SORL1: variants seen among roughly 807,000 people sequenced by gnomAD.
SORL1 encodes the protein sortilin related receptor 1.
SORL1 carries 127 observed loss-of-function variants against 273.7 expected under a neutral mutation model. The ratio of observed to expected loss-of-function variants is 0.46; its 90% CI spans 0.40 to 0.54. SORL1 has a LOEUF of 0.54. SORL1 is among the 20% of genes least tolerant of loss of function. The pLI, the probability that SORL1 is intolerant of heterozygous loss-of-function variation, is 0.00. For missense variants in SORL1, 2,494 were observed against 2,846.1 expected, an observed-to-expected ratio of 0.88 and a Z score of 2.81; for synonymous variants, 1,031 against 1,067.4, an observed-to-expected ratio of 0.97 and a Z score of 0.66.
At chr11:121,486,192 G>C (rs1315407466) in intron 3 of SORL1, among the ~76,000 whole-genome samples, 2 of 152,178 alleles carry the variant, frequency 1.3e-5, no homozygotes, top group Non-Finnish European at 2.9e-5. Context: ...GTAGAACTAG[G>C]TCCCTGTTGC....
chr11:121,630,474 T>G lies in SORL1; in HGVS notation c.*911T>G, dbSNP rs1863859576. 2.0e-5 allele frequency: 3 copies of G among 152,214 alleles called. No homozygotes were observed. Among genetic ancestry groups the G allele is most frequent in the Admixed American group, 1.3e-4 (2 of 15,292 alleles). The allele number at this position is 152,214 out of a possible 1,614,324, so 9.4% of individuals were successfully genotyped here. A position where few individuals can be genotyped will look rare whatever the true frequency, so the allele number is the denominator to read the frequency against. On this transcript the variant is annotated 3_prime_UTR_variant, in exon 48 of 48. Transcript: ENST00000260197. Reference sequence around the variant, plus strand: ...ATGATCCATACACTGGCTAATAGAGTACATAATTTTTCCATTTTCCATTTT... The same window carrying G: ...ATGATCCATACACTGGCTAATAGAGGACATAATTTTTCCATTTTCCATTTT...
intron 1 of SORL1, among the ~76,000 whole-genome samples, chr11:121,463,055 C>A (rs1192912853): frequency 6.6e-6 from 1 of 152,120 alleles, no homozygotes; most frequent in Admixed American, 6.5e-5. Context: ...TCACGTAGGG[C>A]AAGTCCTGGC....
chr11:121,463,196 T>C (rs2134771905), intron 1 of SORL1, among the ~76,000 whole-genome samples: 1 of 152,356 alleles, frequency 6.6e-6, no homozygotes, highest in Admixed American at 6.5e-5. Flanking sequence ...TTAATCTCAT[T>C]TGCAAAAGGT....
At chr11:121,616,260 C>T (rs1046229368) in intron 41 of SORL1, among the ~76,000 whole-genome samples, 2 of 152,208 alleles carry the variant, frequency 1.3e-5, no homozygotes, top group Admixed American at 6.5e-5. Flanking sequence ...AGGCTTCCTG[C>T]ACCTCATCTC....
At chr11:121,466,730 G>A (rs981272838) in intron 1 of SORL1, among the ~76,000 whole-genome samples, 5 of 152,210 alleles carry the variant, frequency 3.3e-5, no homozygotes, top group Admixed American at 2.6e-4. Context: ...ATGGGCACCC[G>A]GGCTGCCTTG....
chr11:121,561,689 C>T (rs1189509824), intron 21 of SORL1, among the ~76,000 whole-genome samples: 4 of 16,646 alleles, frequency 2.4e-4, no homozygotes, highest in South Asian at 2.9e-3. Flanking sequence ...ACCCTGTCAC[C>T]GAAAAAAAAA....
intron 19 of SORL1, among the ~76,000 whole-genome samples, 172 bp downstream of exon 19, chr11:121,557,577 G>T (rs369896485): frequency 6.6e-6 from 1 of 152,208 alleles, no homozygotes; most frequent in African/African-American, 2.4e-5. Context: ...AGGTAACTCC[G>T]TTCGCTTTTT....
chr11:121,622,280 C>T lies in SORL1; in HGVS notation c.6171+12C>T. ...TTAATGAAAGCAGGGTAAGTTCCTC[C>T]CTCATTCTCAATGACTTTGGAAATT... is the stretch of plus-strand genomic sequence containing the variant. On this transcript the variant is annotated intron_variant, in intron 45 of 47. Transcript: ENST00000260197. 2 of 1,499,500 alleles carry T rather than the reference C, an allele frequency of 1.3e-6. No individual in the cohort carries two copies. The highest frequency in any genetic ancestry group is 4.5e-5 in the East Asian group (2 of 44,284). The allele number at this position is 1,499,500 out of a possible 1,614,324, so 92.9% of individuals were successfully genotyped here. A position where few individuals can be genotyped will look rare whatever the true frequency, so the allele number is the denominator to read the frequency against.
intron 21 of SORL1, among the ~76,000 whole-genome samples, chr11:121,561,936 T>A (rs1862682379): frequency 6.6e-6 from 1 of 152,116 alleles, no homozygotes; most frequent in African/African-American, 2.4e-5. Context: ...TGCAGCCCAG[T>A]TTGGGTCAAA....
In SORL1 at chr11:121,550,133, A is replaced by T; in HGVS notation, c.2180+45A>T. 1.3e-6 allele frequency: 2 copies of T among 1,592,858 alleles called. No individual in the cohort carries two copies. Among genetic ancestry groups the T allele is most frequent in the Non-Finnish European group, 1.7e-6 (2 of 1,168,450 alleles). On this transcript the variant is annotated intron_variant, in intron 15 of 47. Transcript: ENST00000260197. The surrounding 1 kb of genome is among the most constrained non-coding windows in gnomAD (Gnocchi z 5.3). ...CCCTGTCAGGTTCTCAGCGGTCCGC[A>T]CATGGAGCGAGAGAGCATAGAGGAC...
intron 45 of SORL1, among the ~76,000 whole-genome samples, chr11:121,624,044 C>G (rs1863760113): frequency 6.6e-6 from 1 of 152,188 alleles, no homozygotes; most frequent in Non-Finnish European, 1.5e-5. Context: ...GGGGAAACTT[C>G]TTATAAAACC....
chr11:121,584,236 A>T (rs1481214864), intron 26 of SORL1, among the ~76,000 whole-genome samples: 2 of 152,220 alleles, frequency 1.3e-5, no homozygotes, highest in African/African-American at 4.8e-5. Context: ...TGGGTTTCCA[A>T]GGGATTACAT....
At chr11:121,556,256 A>G (rs1470028140) in intron 18 of SORL1, among the ~76,000 whole-genome samples, 1 of 152,220 alleles carries the variant, frequency 6.6e-6, no homozygotes, top group Non-Finnish European at 1.5e-5. Context: ...TTAGTGGAGG[A>G]AGCAAAATAA....
At position 121,479,547 on chromosome 11, in the gene SORL1, C is replaced by T. The variant is rs990306097; in HGVS notation, c.528+1304C>T. On this transcript the variant is annotated intron_variant, in intron 3 of 47. Transcript: ENST00000260197. ...GCGACTGGTGTGGCTTGGGCACTGACCAATCAGAACAAATCCTGTCTGGAG... is the reference window on the plus strand; with the variant it reads ...GCGACTGGTGTGGCTTGGGCACTGATCAATCAGAACAAATCCTGTCTGGAG... Among the ~76,000 whole-genome samples the T allele has an allele frequency of 2.0e-5, 3 of 152,124 alleles. No homozygotes were observed. The South Asian group carries it at 6.2e-4, about 31-fold the overall frequency.
rs373776945 is a variant in SORL1 at position 121,605,416 on chromosome 11, G to A, written c.4793G>A (p.Ser1598Asn). ...YNVYYRVVGE[S>N]IWKTLETHSN... ...TTTTGGGCCAGGGTGGTTGGAGAGA[G>A]CATATGGAAGACTCTGGAGACCCAC... is the stretch of plus-strand genomic sequence containing the variant. The change falls in exon 35 of 48, where the codon AGC (serine) becomes AAC (asparagine). Residue 1598 changes from serine (S) to asparagine (N), a missense_variant. Physicochemically the swap from Ser to Asn is conservative, Grantham distance 46. This residue lies in a region of SORL1 where 1,609 missense variants were observed against 1,816.4 expected (regional missense o/e 0.89). Coordinates refer to ENST00000260197, the MANE Select transcript of SORL1 (RefSeq NM_003105.6). 6.2e-7 allele frequency: 1 copy of A among 1,612,846 alleles called. No homozygotes were observed. Among genetic ancestry groups the A allele is most frequent in the Middle Eastern group, 1.7e-4 (1 of 6,060 alleles).
rs1212226049 is a variant in SORL1, at chr11:121,619,740, G to A, written c.5725-13G>A. On this transcript the variant is annotated splice_polypyrimidine_tract_variant and intron_variant, in intron 42 of 47. Coordinates refer to ENST00000260197, the MANE Select transcript of SORL1 (RefSeq NM_003105.6). ...GATGTATTTTTTTTCCTACGTGTGT[G>A]CTTGGGCTTCAGGTCCGTGTAGTGG... 6.2e-7 allele frequency: 1 copy of A among 1,604,048 alleles called. No individual in the cohort carries two copies. The highest frequency in any genetic ancestry group is 2.2e-5 in the East Asian group (1 of 44,502).
intron 22 of SORL1, among the ~76,000 whole-genome samples, chr11:121,569,521 C>T (rs115647275): frequency 0.079 from 12,031 of 152,216 alleles, 488 homozygotes; most frequent in Middle Eastern, 0.1. Flanking sequence ...CTTCGAGGGG[C>T]GGCCATCTTT....
chr11:121,487,419 C>G (rs183197269), intron 3 of SORL1, among the ~76,000 whole-genome samples: 1 of 152,212 alleles, frequency 6.6e-6, no homozygotes, highest in Non-Finnish European at 1.5e-5. Context: ...GGATGAGGCC[C>G]GTGCTCACCA....
chr11:121,594,125 T>G (rs1863256844), intron 31 of SORL1, among the ~76,000 whole-genome samples: 1 of 152,198 alleles, frequency 6.6e-6, no homozygotes, highest in Non-Finnish European at 1.5e-5. Context: ...ATTTTTTTTT[T>G]TTTGTATGTA....
Sources: gnomAD v4.1 joint callset for allele counts (sites outside exome capture counted in the v4.1 genomes callset) on GRCh38, gnomAD v4.1.1 for gene constraint, gnomAD v4.1.1 regional missense constraint, Gnocchi (gnomAD v3.1) non-coding constraint, MANE v1.5 for transcripts, NCBI Gene and HGNC (gene_info 2026-07-23, HGNC 2026-07-21) for gene names.